The following OPCML variants were observed in gnomAD, a reference collection of about 807,000 sequenced individuals.
The protein encoded by OPCML is opioid binding protein/cell adhesion molecule like.
Under a neutral mutation model 37.8 loss-of-function variants are expected in OPCML, and 13 were observed. The ratio of observed to expected loss-of-function variants is 0.34; its 90% CI spans 0.22 to 0.55. OPCML has a LOEUF of 0.55. OPCML is among the 20% of genes least tolerant of loss of function. OPCML has a pLI of 0.91. For missense variants in OPCML, 341 were observed against 435.6 expected (o/e 0.78, Z 1.93); for synonymous variants, 176 against 168.8 (o/e 1.04, Z -0.33).
intron 1 of OPCML, among the ~76,000 whole-genome samples, chr11:133,248,029 T>C (rs1041559341): frequency 5.3e-5 from 8 of 152,178 alleles, no homozygotes; most frequent in South Asian, 2.1e-4. Context: ...GGAAGAAATA[T>C]GAATTAGCAG....
intron 1 of OPCML, among the ~76,000 whole-genome samples, chr11:133,052,835 C>T (rs79821930): frequency 0.019 from 2,869 of 152,346 alleles, 49 homozygotes; most frequent in Middle Eastern, 0.031. Flanking sequence ...CTGAGGGCAA[C>T]AGAGTGGAAA....
intron 1 of OPCML, among the ~76,000 whole-genome samples, chr11:133,359,767 A>G (rs2136713342): frequency 6.6e-6 from 1 of 152,360 alleles, no homozygotes; most frequent in South Asian, 2.1e-4. Flanking sequence ...GGAATGGAGC[A>G]TATTTAACTT....
intron 2 of OPCML, among the ~76,000 whole-genome samples, chr11:132,935,208 C>T (rs1437151276): frequency 6.6e-6 from 1 of 151,826 alleles, no homozygotes; most frequent in African/African-American, 2.4e-5. Context: ...ACAACAAACT[C>T]CAAAACTTCA....
At chr11:133,135,998 C>T (rs1949683768) in intron 1 of OPCML, among the ~76,000 whole-genome samples, 1 of 152,184 alleles carries the variant, frequency 6.6e-6, no homozygotes, top group Non-Finnish European at 1.5e-5. Context: ...TACCATATTA[C>T]CCTTCACAGA....
At chr11:132,913,267 T>G (rs1463599659) in intron 2 of OPCML, among the ~76,000 whole-genome samples, 2 of 152,196 alleles carry the variant, frequency 1.3e-5, no homozygotes, top group Non-Finnish European at 2.9e-5. Flanking sequence ...TCTTAATGAC[T>G]TATTATGGTA....
At chr11:132,795,439 C>T (rs1204899806) in intron 2 of OPCML, among the ~76,000 whole-genome samples, 1 of 152,142 alleles carries the variant, frequency 6.6e-6, no homozygotes, top group African/African-American at 2.4e-5. Context: ...ACACCCATTG[C>T]CACAATAAGT....
chr11:133,077,789 AAC>A (rs1292949841), intron 1 of OPCML, among the ~76,000 whole-genome samples: 2 of 152,236 alleles, frequency 1.3e-5, no homozygotes, highest in Non-Finnish European at 1.5e-5. Flanking sequence ...AAAAGATGCA[AAC>A]AGACAATTTA....
intron 1 of OPCML, among the ~76,000 whole-genome samples, chr11:132,949,030 G>C (rs989377532): frequency 6.6e-6 from 1 of 152,288 alleles, no homozygotes; most frequent in Admixed American, 6.5e-5. Flanking sequence ...CCTTGCCAGA[G>C]GGAACTTTCT....
intron 1 of OPCML, among the ~76,000 whole-genome samples, chr11:133,258,331 G>T (rs1250657708): frequency 1.3e-5 from 2 of 152,182 alleles, no homozygotes; most frequent in Non-Finnish European, 2.9e-5. Context: ...TATTATCTTG[G>T]TAGGAAAGAC....
intron 1 of OPCML, among the ~76,000 whole-genome samples, chr11:133,289,400 C>T (rs1052942649): frequency 3.3e-5 from 5 of 151,796 alleles, no homozygotes; most frequent in Non-Finnish European, 5.9e-5. Flanking sequence ...TCGAGACCAT[C>T]CCGGCTAAAA....
chr11:133,012,752 G>A (rs1306813646), intron 1 of OPCML, among the ~76,000 whole-genome samples: 2 of 151,360 alleles, frequency 1.3e-5, no homozygotes, highest in East Asian at 3.9e-4. Flanking sequence ...GCACATGCCT[G>A]TAATCCCAGC....
At chr11:133,247,735 T>G (rs1323073135) in intron 1 of OPCML, among the ~76,000 whole-genome samples, 1 of 151,912 alleles carries the variant, frequency 6.6e-6, no homozygotes, top group African/African-American at 2.4e-5. Flanking sequence ...TCCAAGTAGC[T>G]GGGACTATCC....
At chr11:132,829,393 G>C (rs71477417) in intron 2 of OPCML, among the ~76,000 whole-genome samples, 10,783 of 152,254 alleles carry the variant, frequency 0.071, 436 homozygotes, top group Non-Finnish European at 0.082. Context: ...AGGAAACTGA[G>C]CATGAATGAA....
chr11:133,418,488 T>C (rs1945814924), intron 1 of OPCML: 4 of 984,918 alleles, frequency 4.1e-6, no homozygotes, highest in East Asian at 1.1e-4. Flanking sequence ...AAAGATAAAA[T>C]AATAGTCATA....
At chr11:132,934,451 T>C (rs1469226331) in intron 2 of OPCML, among the ~76,000 whole-genome samples, 1 of 152,140 alleles carries the variant, frequency 6.6e-6, no homozygotes, top group East Asian at 1.9e-4. Flanking sequence ...CGCCTTGACT[T>C]AGAATGGGTG....
intron 2 of OPCML, among the ~76,000 whole-genome samples, chr11:132,832,650 TG>T (rs1940763444): frequency 6.6e-6 from 1 of 152,244 alleles, no homozygotes; most frequent in South Asian, 2.1e-4. Flanking sequence ...CAATTTGCAG[TG>T]AGCAGGACTT....
chr11:132,772,682 G>A (rs764508194), intron 2 of OPCML: 1 of 152,180 alleles, frequency 6.6e-6, no homozygotes, highest in Admixed American at 6.5e-5. Flanking sequence ...ATAAGAGCAC[G>A]CTATCCATTT....
chr11:133,133,611 C>T (rs916048029), intron 1 of OPCML, among the ~76,000 whole-genome samples: 1 of 152,086 alleles, frequency 6.6e-6, no homozygotes, highest in African/African-American at 2.4e-5. Flanking sequence ...TGTAGTAGCT[C>T]CCCTCTCTTT....
At chr11:133,045,828 G>A (rs1418083509) in intron 1 of OPCML, among the ~76,000 whole-genome samples, 1 of 152,204 alleles carries the variant, frequency 6.6e-6, no homozygotes, top group African/African-American at 2.4e-5. Context: ...TAGACAGCCT[G>A]CCAAGGGAAG....
Sources: allele counts gnomAD v4.1 joint callset (sites outside exome capture counted in the v4.1 genomes callset), GRCh38; gene constraint gnomAD v4.1.1; transcripts MANE v1.5; gene names NCBI Gene and HGNC (gene_info 2026-07-23, HGNC 2026-07-21).